The following SOX6 variants were observed in gnomAD, a reference collection of about 807,000 sequenced individuals.
SOX6 encodes the protein transcription factor SOX-6.
A neutral mutation model predicts 97.8 loss-of-function variants in SOX6; 11 were observed. The ratio of observed to expected loss-of-function variants is 0.11; its 90% CI spans 0.07 to 0.19. The LOEUF (loss-of-function observed/expected upper bound fraction) is 0.19, where lower values mean the gene tolerates loss of function less well. SOX6 is among the 10% of genes least tolerant of loss of function. The pLI is 1.00. For missense variants in SOX6, 810 were observed against 1,039.5 expected (o/e 0.78, Z 3.04); for synonymous variants, 360 against 371.4 (o/e 0.97, Z 0.35).
Position 16,455,225 on chromosome 11 carries a change from T to G in SOX6, c.-5+21090A>C, listed in dbSNP as rs184987582. Among the ~76,000 whole-genome samples the G allele has an allele frequency of 4.6e-3, 697 of 152,156 alleles. 5 individuals are homozygous for G. The highest frequency in any genetic ancestry group is 0.016 in the African/African-American group (674 of 41,548). On this transcript the variant is annotated intron_variant, in intron 1 of 15. Transcript: ENST00000396356. ...TGATTTCTTTACTTCCTTTCAGTTT[T>G]ATTGTCTGTGTCTTTCACCACATAA...
At chr11:16,576,798 G>A (rs1443495448) in intron 4 of SOX6, 3 of 152,270 alleles carry the variant, frequency 2.0e-5, no homozygotes, top group Non-Finnish European at 2.9e-5. Context: ...AGATATTACA[G>A]ATCAGATAGC....
intron 1 of SOX6, among the ~76,000 whole-genome samples, chr11:16,400,061 A>G (rs1033878191): frequency 6.6e-6 from 1 of 151,524 alleles, no homozygotes; most frequent in African/African-American, 2.4e-5. Context: ...TAAAGTTTCA[A>G]TAAACCATTC....
At chr11:16,095,571 A>T (rs1349547903) in intron 9 of SOX6, among the ~76,000 whole-genome samples, 1 of 151,728 alleles carries the variant, frequency 6.6e-6, no homozygotes. Flanking sequence ...ACCTCTCCAA[A>T]CCTCAGCTGT....
At chr11:16,506,455 A>G (rs1860790682) in intron 4 of SOX6, among the ~76,000 whole-genome samples, 1 of 152,180 alleles carries the variant, frequency 6.6e-6, no homozygotes, top group African/African-American at 2.4e-5. Flanking sequence ...TTACAGGCTC[A>G]TAGGTGGAAG....
intron 14 of SOX6, 40 bp from the exon 15 acceptor site, chr11:15,986,460 G>T: frequency 6.3e-7 from 1 of 1,598,304 alleles, no homozygotes; most frequent in Non-Finnish European, 8.6e-7. Flanking sequence ...AGTGGTCAAG[G>T]CAACATATTC....
At chr11:16,069,457 T>G (rs911908512) in intron 9 of SOX6, among the ~76,000 whole-genome samples, 3 of 152,120 alleles carry the variant, frequency 2.0e-5, no homozygotes, top group Non-Finnish European at 4.4e-5. Context: ...GAAAAAAATG[T>G]TTTTTTCTAC....
intron 6 of SOX6, among the ~76,000 whole-genome samples, chr11:16,127,711 C>T (rs1337321980): frequency 6.6e-6 from 1 of 152,048 alleles, no homozygotes; most frequent in Non-Finnish European, 1.5e-5. Flanking sequence ...AACATATATG[C>T]CACTTGGAAC....
chr11:16,293,208 A>G (rs1854966367), intron 3 of SOX6, among the ~76,000 whole-genome samples: 1 of 152,164 alleles, frequency 6.6e-6, no homozygotes, highest in African/African-American at 2.4e-5. Context: ...CTCACACTGA[A>G]TAATATGAGA....
At chr11:16,400,327 A>C (rs1460572317) in intron 1 of SOX6, among the ~76,000 whole-genome samples, 1 of 151,578 alleles carries the variant, frequency 6.6e-6, no homozygotes, top group Non-Finnish European at 1.5e-5. Flanking sequence ...TGTTCAAGGT[A>C]GATCTCACTA....
Position 15,989,153 on chromosome 11 carries a change from C to T in SOX6, c.1810G>A (p.Glu604Lys). 1 of 1,614,150 alleles carries T rather than the reference C, an allele frequency of 6.2e-7. No homozygotes were observed. The highest frequency in any genetic ancestry group is 1.1e-5 in the South Asian group (1 of 91,078). Residue 604 changes from glutamate (E) to lysine (K), a missense_variant, in exon 14 of 16, where the codon GAA becomes AAA. Physicochemically the swap from Glu to Lys is moderately conservative, Grantham distance 56. Transcript: ENST00000683767. ...CWPTGGATVA[E>K]ARVYRDARGR... ...CGGGCGTCCCTGTAGACTCGTGCTT[C>T]AGCCACAGTGGCACCTCCTGTTGGC...
In SOX6 at chr11:16,356,125, G is replaced by A. The variant is rs1207335452; in HGVS notation, c.-36C>T. Among the ~76,000 whole-genome samples, 6 of 151,626 alleles carry A rather than the reference G, an allele frequency of 4.0e-5. No individual in the cohort carries two copies. In the Middle Eastern group the frequency reaches 0.014, roughly 344 times the overall value. On this transcript the variant is annotated 5_prime_UTR_variant, in exon 1 of 16. Transcript: ENST00000683767. ...TGGCTGCTCTTCCACTCTTCAATCC[G>A]GCTTTCTCTTACCACATCAGCCAGA...
At chr11:16,551,642 C>T (rs1847687797) in intron 4 of SOX6, among the ~76,000 whole-genome samples, 1 of 152,046 alleles carries the variant, frequency 6.6e-6, no homozygotes, top group African/African-American at 2.4e-5. Flanking sequence ...CTCACTCTGT[C>T]ACCCAGGCTG....
At chr11:16,476,106 A>T (rs758235390) in intron 1 of SOX6, among the ~76,000 whole-genome samples, 2 of 152,148 alleles carry the variant, frequency 1.3e-5, no homozygotes, top group Non-Finnish European at 2.9e-5. Flanking sequence ...GTGTTATTTC[A>T]CTGGAAATTA....
chr11:16,395,397 C>G (rs139988094), intron 1 of SOX6, among the ~76,000 whole-genome samples: 15 of 151,696 alleles, frequency 9.9e-5, no homozygotes, highest in African/African-American at 3.6e-4. Context: ...TAAACAGGGA[C>G]CTGAAGAATG....
At chr11:16,513,031 GA>G (rs1354081932) in intron 4 of SOX6, among the ~76,000 whole-genome samples, 5 of 152,062 alleles carry the variant, frequency 3.3e-5, no homozygotes, top group African/African-American at 1.2e-4. Context: ...GAGACAACCT[GA>G]AAAAAGTAAA....
At chr11:16,591,186 C>T (rs573848091) in intron 4 of SOX6, among the ~76,000 whole-genome samples, 28 of 152,146 alleles carry the variant, frequency 1.8e-4, no homozygotes, top group African/African-American at 6.5e-4. Context: ...TCCAGCAGTT[C>T]ACTGCTTATA....
At chr11:16,696,629 C>A (rs954152851) in intron 3 of SOX6, among the ~76,000 whole-genome samples, 4 of 152,124 alleles carry the variant, frequency 2.6e-5, no homozygotes, top group Non-Finnish European at 5.9e-5. Flanking sequence ...GTCTTAAAAA[C>A]AATATATGTA....
intron 12 of SOX6, among the ~76,000 whole-genome samples, chr11:16,035,405 T>A (rs1224996856): frequency 6.6e-6 from 1 of 152,208 alleles, no homozygotes; most frequent in East Asian, 1.9e-4. Flanking sequence ...TTTGCTAGAA[T>A]TAACTTTAAT....
At chr11:16,423,762 C>T (rs1055111857) in intron 1 of SOX6, among the ~76,000 whole-genome samples, 1 of 152,086 alleles carries the variant, frequency 6.6e-6, no homozygotes, top group Non-Finnish European at 1.5e-5. Context: ...GAAAAGTAGA[C>T]ATGAGATCCA....
Sources: allele counts gnomAD v4.1 joint callset (sites outside exome capture counted in the v4.1 genomes callset), GRCh38; gene constraint gnomAD v4.1.1; transcripts MANE v1.5; gene names NCBI Gene and HGNC (gene_info 2026-07-23, HGNC 2026-07-21).